WDR27: variants seen among roughly 807,000 people sequenced by gnomAD.
The protein encoded by WDR27 is WD repeat-containing protein 27.
In WDR27, 100 loss-of-function variants were observed where a neutral mutation model predicts 114.4. The ratio of observed to expected loss-of-function variants is 0.87; its 90% CI spans 0.74 to 1.03. The LOEUF (loss-of-function observed/expected upper bound fraction) is 1.03. Among genes scored for constraint, WDR27 ranks in the 50% least tolerant of loss-of-function variants. The pLI is 0.00. For missense variants in WDR27, 1,129 were observed against 1,092.9 expected (o/e 1.03, Z -0.47); for synonymous variants, 449 against 423.1 (o/e 1.06, Z -0.75).
chr6:169,609,539 C>T (rs748360071), intron 22 of WDR27, among the ~76,000 whole-genome samples: 200 of 152,204 alleles, frequency 1.3e-3, no homozygotes, highest in Middle Eastern at 3.4e-3. Context: ...TGGCCCCTTT[C>T]AGCCATGGCT....
chr6:169,561,151 A>C (rs1562585115), intron 25 of WDR27, among the ~76,000 whole-genome samples: 1 of 152,104 alleles, frequency 6.6e-6, no homozygotes, highest in Non-Finnish European at 1.5e-5. Context: ...TCCAGGATGA[A>C]GGTGCTGGCA....
Position 169,478,525 on chromosome 6 carries a change from A to G in WDR27, c.2646-20891T>C, listed in dbSNP as rs6913192. ...GAAGAATTATAAGCCTATATCATAA[A>G]CTAATTTTTAAAACTCTAGATGTTT... On this transcript the variant is annotated intron_variant, in intron 25 of 25. Coordinates refer to ENST00000448612, the MANE Select transcript of WDR27 (RefSeq NM_182552.5). Among the ~76,000 whole-genome samples, 1,356 of 152,292 alleles carry G rather than the reference A, an allele frequency of 8.9e-3. 29 individuals are homozygous for G. Among genetic ancestry groups the G allele is most frequent in the African/African-American group, 0.031 (1,307 of 41,552 alleles).
intron 23 of WDR27, among the ~76,000 whole-genome samples, chr6:169,586,847 C>CAAAAAAAAAAAA (rs3029697): frequency 0.029 from 943 of 32,054 alleles, 338 homozygotes; most frequent in Non-Finnish European, 0.043. Flanking sequence ...GACTCTGTCT[C>CAAAAAAAAAAAA]AAAAAAAAAA....
chr6:169,616,442 T>C (rs890363590), intron 21 of WDR27, among the ~76,000 whole-genome samples: 1 of 151,996 alleles, frequency 6.6e-6, no homozygotes, highest in African/African-American at 2.4e-5. Context: ...GAGCCAAGAC[T>C]GCGCCACTGC....
chr6:169,654,593 G>A (rs1823489532), intron 13 of WDR27, among the ~76,000 whole-genome samples: 1 of 152,250 alleles, frequency 6.6e-6, no homozygotes, highest in South Asian at 2.1e-4. Context: ...CTCCCAGCCG[G>A]TTTCCAGGTT....
At position 169,471,809 on chromosome 6, in the gene WDR27, G is replaced by A. The variant is rs147895421; in HGVS notation, c.2646-14175C>T. On this transcript the variant is annotated intron_variant, in intron 25 of 25. Coordinates refer to ENST00000448612, the MANE Select transcript of WDR27 (RefSeq NM_182552.5). ...TGGGTAATTTATAAACAACAGAAAT[G>A]TATTGCTCAGCTCTGGAGGTTGGGA... Among the ~76,000 whole-genome samples, 1,361 of 152,274 alleles carry A rather than the reference G, an allele frequency of 8.9e-3. 12 individuals carry two copies. The highest frequency in any genetic ancestry group is 0.031 in the African/African-American group (1,271 of 41,558).
At chr6:169,586,847 C>CAAA (rs3029697) in intron 23 of WDR27, among the ~76,000 whole-genome samples, 7,446 of 31,860 alleles carry the variant, frequency 0.23, 2,490 homozygotes, top group South Asian at 0.36. Flanking sequence ...GACTCTGTCT[C>CAAA]AAAAAAAAAA....
At chr6:169,510,281 G>T (rs566343695) in intron 25 of WDR27, among the ~76,000 whole-genome samples, 36 of 152,238 alleles carry the variant, frequency 2.4e-4, no homozygotes, top group African/African-American at 7.9e-4. Flanking sequence ...CCATTACTGG[G>T]TATATACCCA....
intron 25 of WDR27, among the ~76,000 whole-genome samples, chr6:169,531,629 G>A (rs1354076570): frequency 6.6e-6 from 1 of 151,508 alleles, no homozygotes. Context: ...GGCAGGTGAG[G>A]AGAATTCTGC....
intron 25 of WDR27, among the ~76,000 whole-genome samples, chr6:169,499,322 G>A (rs746508350): frequency 1.3e-5 from 2 of 152,256 alleles, no homozygotes; most frequent in East Asian, 1.9e-4. Flanking sequence ...AGGGATGTGT[G>A]AGGCAGGGCT....
downstream of WDR27, among the ~76,000 whole-genome samples, chr6:169,455,547 T>C (rs534308143): frequency 1.3e-5 from 2 of 152,338 alleles, no homozygotes; most frequent in South Asian, 4.1e-4. Flanking sequence ...GAAAGGCAGA[T>C]CTCTAAGGCA....
chr6:169,490,953 C>T (rs1407790084), intron 25 of WDR27, among the ~76,000 whole-genome samples: 1 of 152,096 alleles, frequency 6.6e-6, no homozygotes, highest in African/African-American at 2.4e-5. Context: ...AATGCCACAC[C>T]CTACTTTCAG....
chr6:169,633,124 C>G (rs745683163), intron 20 of WDR27, 56 bp from the exon 21 acceptor site: 1 of 1,513,818 alleles, frequency 6.6e-7, no homozygotes, highest in Non-Finnish European at 8.9e-7. Flanking sequence ...GGGGAAGGGA[C>G]AGTTCCCTCT....
intron 25 of WDR27, among the ~76,000 whole-genome samples, chr6:169,557,878 C>T (rs1007825591): frequency 2.6e-5 from 4 of 152,064 alleles, no homozygotes; most frequent in Admixed American, 6.5e-5. Flanking sequence ...GTCTTCATTG[C>T]CCTTTTCTAT....
At chr6:169,428,529 C>T in the WDR27 span, among the ~76,000 whole-genome samples, 1 of 136,890 alleles carries the variant, frequency 7.3e-6, no homozygotes, top group South Asian at 2.2e-4. Context: ...AATTAGTGGT[C>T]TAAAGTATTT....
At chr6:169,573,972 T>C (rs1801858100) in intron 24 of WDR27, among the ~76,000 whole-genome samples, 1 of 152,286 alleles carries the variant, frequency 6.6e-6, no homozygotes, top group African/African-American at 2.4e-5. Flanking sequence ...ATGGAGCTTC[T>C]TGAATTTGTG....
At chr6:169,453,817 T>TAGATTAAGGTAATTTCAC, downstream of WDR27, among the ~76,000 whole-genome samples, 1 of 152,334 alleles carries the variant, frequency 6.6e-6, no homozygotes, top group Non-Finnish European at 1.5e-5. Flanking sequence ...GATAATTTCA[T>TAGATTAAGGTAATTTCAC]AGCTTAAGGT....
intron 22 of WDR27, among the ~76,000 whole-genome samples, chr6:169,613,137 C>T (rs934525308): frequency 3.3e-5 from 5 of 152,208 alleles, no homozygotes; most frequent in East Asian, 3.9e-4. Context: ...AAGGAAATGC[C>T]CTCCCAACTG....
downstream of WDR27, among the ~76,000 whole-genome samples, chr6:169,454,558 A>G (rs1784276466): frequency 6.6e-6 from 1 of 152,220 alleles, no homozygotes; most frequent in African/African-American, 2.4e-5. Flanking sequence ...GAGCTCCCAC[A>G]TCTGCAAAGA....
Sources: allele counts gnomAD v4.1 joint callset (sites outside exome capture counted in the v4.1 genomes callset), GRCh38; gene constraint gnomAD v4.1.1; transcripts MANE v1.5; gene names NCBI Gene and HGNC (gene_info 2026-07-23, HGNC 2026-07-21).